MMP12: variants seen among roughly 807,000 people sequenced by gnomAD.
MMP12 encodes the protein macrophage metalloelastase.
MMP12 carries 51 observed loss-of-function variants against 45.2 expected under a neutral mutation model. That is an observed-to-expected ratio of 1.13 (90% CI 0.90 to 1.42). The LOEUF (loss-of-function observed/expected upper bound fraction) is 1.42, where lower values mean the gene tolerates loss of function less well. Ranked by LOEUF, MMP12 falls within the 40% of genes most tolerant of loss-of-function variation. The pLI is 0.00. For synonymous variants in MMP12, 210 were observed against 193.3 expected (o/e 1.09, Z -0.72); for missense variants, 530 against 570.8 (o/e 0.93, Z 0.73).
chr11:102,871,289 G>T (rs939709509), intron 4 of MMP12, among the ~76,000 whole-genome samples: 33 of 151,958 alleles, frequency 2.2e-4, no homozygotes, highest in African/African-American at 7.2e-4. Flanking sequence ...TGCTTCTTAA[G>T]GTTCCTCTGA....
chr11:102,872,039 G>T, intron 2 of MMP12, 87 bp from the exon 3 acceptor site: 1 of 1,313,278 alleles, frequency 7.6e-7, no homozygotes, highest in South Asian at 1.8e-5. Context: ...TAGCACAATT[G>T]GAAAATGGAT....
At position 102,863,106 on chromosome 11, in the gene MMP12, A is replaced by G; in HGVS notation, c.1407T>C (p.Gly469=). 6.2e-7 allele frequency: 1 copy of G among 1,605,900 alleles called. No homozygotes were observed. The highest frequency in any genetic ancestry group is 1.3e-5 in the African/African-American group (1 of 74,744). The change falls in exon 10 of 10, where the codon GGT becomes GGC. Residue 469 remains glycine, a synonymous_variant. Coordinates refer to ENST00000571244, the MANE Select transcript of MMP12 (RefSeq NM_002426.6). ...TKTLKSNSWF[G]C ...ACCATTAATTACACCATTTCTAACA[A>G]CCAAACCAGCTATTGCTTTTCAGTG...
intron 8 of MMP12, among the ~76,000 whole-genome samples, chr11:102,864,788 G>A (rs781855099): frequency 6.6e-6 from 1 of 152,164 alleles, no homozygotes. Flanking sequence ...AAAGAGCTTT[G>A]TGTCTCTCTA....
intron 6 of MMP12, among the ~76,000 whole-genome samples, chr11:102,867,058 TA>T (rs1859401727): frequency 6.6e-6 from 1 of 152,222 alleles, no homozygotes; most frequent in Non-Finnish European, 1.5e-5. Flanking sequence ...AATCGTTTTT[TA>T]CACACCAGTT....
chr11:102,872,891 T>A lies in MMP12; in HGVS notation c.324A>T (p.Val108=), dbSNP rs199641268. The change falls in exon 2 of 10, where the codon GTA becomes GTT. Residue 108 remains valine (V), a synonymous_variant. Coordinates refer to ENST00000571244, the MANE Select transcript of MMP12 (RefSeq NM_002426.6). ...HHFREMPGGP[V]WRKHYITYRI... Reference sequence around the variant, plus strand: ...TGTAGGTGATATAATGTTTCCTCCATACGGGCCCCCCTGGCATTTCCCTGA... The same window carrying A: ...TGTAGGTGATATAATGTTTCCTCCAAACGGGCCCCCCTGGCATTTCCCTGA... The A allele has an allele frequency of 3.1e-6, 5 of 1,613,902 alleles. No homozygotes were observed. Among genetic ancestry groups the A allele is most frequent in the Non-Finnish European group, 4.2e-6 (5 of 1,179,852 alleles).
chr11:102,873,765 A>C (rs1363477939), intron 1 of MMP12, among the ~76,000 whole-genome samples: 1 of 152,188 alleles, frequency 6.6e-6, no homozygotes, highest in African/African-American at 2.4e-5. Context: ...ACAGTGGTGC[A>C]TACCGGTAAT....
At chr11:102,872,006 T>C (rs1859508310) in intron 2 of MMP12, 54 bp from the exon 3 acceptor site, 2 of 1,512,802 alleles carry the variant, frequency 1.3e-6, no homozygotes, top group East Asian at 4.6e-5. Context: ...TTATTTTGTC[T>C]TACCACAATA....
In MMP12 at chr11:102,865,296, T is replaced by A. The variant is rs1184688021; in HGVS notation, c.1205+480A>T. Among the ~76,000 whole-genome samples, 1 of 152,178 alleles carries A rather than the reference T, an allele frequency of 6.6e-6. No individual in the cohort carries two copies. The highest frequency in any genetic ancestry group is 2.4e-5 in the African/African-American group (1 of 41,448). ...CAATTGAGACAACAGAGACAGACACTCAAATGAGCTCCTATCCTCACTTGA... is the reference window on the plus strand; with the variant it reads ...CAATTGAGACAACAGAGACAGACACACAAATGAGCTCCTATCCTCACTTGA... On this transcript the variant is annotated intron_variant, in intron 8 of 9. Transcript: ENST00000571244. This position sits in a 1 kb window ranked among gnomAD's most constrained non-coding sequence, Gnocchi z 4.1.
At chr11:102,863,806 A>G (rs1466353542) in intron 9 of MMP12, among the ~76,000 whole-genome samples, 2 of 152,206 alleles carry the variant, frequency 1.3e-5, no homozygotes, top group Non-Finnish European at 2.9e-5. Context: ...GTGAGACTCC[A>G]GACTGCCTGA....
intron 4 of MMP12, among the ~76,000 whole-genome samples, chr11:102,870,618 G>A (rs112347075): frequency 6.6e-6 from 1 of 152,132 alleles, no homozygotes; most frequent in Non-Finnish European, 1.5e-5. Context: ...GATGGTTAGG[G>A]TTTTCCCATG....
intron 1 of MMP12, 104 bp downstream of exon 1, chr11:102,874,732 C>A: frequency 1.3e-6 from 1 of 765,896 alleles, no homozygotes. Context: ...TCAGCTGATA[C>A]GTAAAAGCAA....
At chr11:102,870,628 G>T (rs1485905890) in intron 4 of MMP12, among the ~76,000 whole-genome samples, 4 of 152,180 alleles carry the variant, frequency 2.6e-5, no homozygotes, top group African/African-American at 9.6e-5. Flanking sequence ...GTTTTCCCAT[G>T]CTAGTGATTC....
At chr11:102,867,012 T>C (rs1555008645) in intron 6 of MMP12, among the ~76,000 whole-genome samples, 1 of 152,184 alleles carries the variant, frequency 6.6e-6, no homozygotes, top group Non-Finnish European at 1.5e-5. Flanking sequence ...CTTCTGTTTC[T>C]TATCTTCTAA....
rs573028875 is a variant in MMP12, at chr11:102,866,190, C to T, written c.1045+125G>A. ...GGCTATTTTAGTTTACACTTCAGAG[C>T]GAGCCACTATTAATAAAATCAAGAG... On this transcript the variant is annotated intron_variant, in intron 7 of 9. Coordinates refer to ENST00000571244, the MANE Select transcript of MMP12 (RefSeq NM_002426.6). 96 of 1,033,072 alleles carry T rather than the reference C, an allele frequency of 9.3e-5. 1 individual carries two copies. Among genetic ancestry groups the T allele is most frequent in the Admixed American group, 2.4e-4 (8 of 33,170 alleles). The allele number at this position is 1,033,072 out of a possible 1,614,324, so 64.0% of individuals were successfully genotyped here.
chr11:102,870,961 G>T (rs1330194615), intron 4 of MMP12, among the ~76,000 whole-genome samples: 1 of 152,126 alleles, frequency 6.6e-6, no homozygotes, highest in Admixed American at 6.5e-5. Context: ...TGAGCTTATG[G>T]ATTTCACTAG....
At position 102,868,074 on chromosome 11, in the gene MMP12, G is replaced by T. The variant is rs201776289; in HGVS notation, c.626-5C>A. 1.9e-6 allele frequency: 3 copies of T among 1,588,964 alleles called. No homozygotes were observed. Among genetic ancestry groups the T allele is most frequent in the Middle Eastern group, 1.7e-4 (1 of 6,030 alleles). ...CAGTGAGGAACAAGTTTGTGCCTAAGAAGAAACCAACCAAAAGACAGCTGT... is the reference window on the plus strand; with the variant it reads ...CAGTGAGGAACAAGTTTGTGCCTAATAAGAAACCAACCAAAAGACAGCTGT... On this transcript the variant is annotated splice_polypyrimidine_tract_variant and splice_region_variant and intron_variant, in intron 4 of 9. Transcript: ENST00000571244.
intron 4 of MMP12, among the ~76,000 whole-genome samples, 179 bp downstream of exon 4, chr11:102,871,415 T>C (rs1181818918): frequency 2.0e-5 from 3 of 152,172 alleles, no homozygotes; most frequent in African/African-American, 7.2e-5. Context: ...TTGAGACCCA[T>C]ACGAAGTGTT....
Position 102,867,960 on chromosome 11 carries a change from G to A in MMP12, c.735C>T (p.Ile245=). 1 of 1,609,890 alleles carries A rather than the reference G, an allele frequency of 6.2e-7. No homozygotes were observed. Among genetic ancestry groups the A allele is most frequent in the Non-Finnish European group, 8.5e-7 (1 of 1,178,254 alleles). ...CATCAGCAGAGAGGCGAAATGTGTT[G>A]ATGTCAACATATTTGTAGGTGGGGA... ...VMFPTYKYVD[I]NTFRLSADDI... Residue 245 remains isoleucine (I), a synonymous_variant, in exon 5 of 10, where the codon ATC becomes ATT. Transcript: ENST00000571244.
intron 7 of MMP12, 64 bp downstream of exon 7, chr11:102,866,251 T>A: frequency 7.0e-7 from 1 of 1,428,520 alleles, no homozygotes; most frequent in Non-Finnish European, 9.4e-7. Context: ...AAAGTAGTAG[T>A]CTCTTCTCAA....
Sources: gnomAD v4.1 joint callset for allele counts (sites outside exome capture counted in the v4.1 genomes callset) on GRCh38, gnomAD v4.1.1 for gene constraint, Gnocchi (gnomAD v3.1) non-coding constraint, MANE v1.5 for transcripts, NCBI Gene and HGNC (gene_info 2026-07-23, HGNC 2026-07-21) for gene names.